ZPBP: variants seen among roughly 807,000 people sequenced by gnomAD.
ZPBP encodes zona pellucida-binding protein 1.
In ZPBP, 26 loss-of-function variants were observed where a neutral mutation model predicts 44.8. The observed-to-expected ratio is 0.58, with a 90% CI of 0.43 to 0.81. The LOEUF is 0.81. ZPBP is among the 30% of genes least tolerant of loss of function. The pLI is 0.00. For synonymous variants in ZPBP, 174 were observed against 153.2 expected (o/e 1.14, Z -1.00); for missense variants, 409 against 434.0 (o/e 0.94, Z 0.51).
intron 3 of ZPBP, among the ~76,000 whole-genome samples, chr7:50,061,724 G>T (rs1326158854): frequency 2.0e-5 from 3 of 152,122 alleles, no homozygotes; most frequent in Non-Finnish European, 4.4e-5. Context: ...GCATTTCAAT[G>T]AAATCACTTC....
intron 4 of ZPBP, among the ~76,000 whole-genome samples, chr7:50,033,143 C>T (rs1229664025): frequency 1.3e-5 from 2 of 151,746 alleles, no homozygotes; most frequent in African/African-American, 4.8e-5. Flanking sequence ...TTGGGTAAAG[C>T]ATATTTTTGA....
chr7:49,937,342 G>C (rs1794655318), downstream of ZPBP: 5 of 551,922 alleles, frequency 9.1e-6, no homozygotes, highest in Admixed American at 1.2e-4. Context: ...ATGTAGGTTT[G>C]GCATTAATGG....
chr7:49,924,844 G>A (rs1053875081), intron 1 of ZPBP, among the ~76,000 whole-genome samples: 3 of 152,172 alleles, frequency 2.0e-5, no homozygotes, highest in East Asian at 1.9e-4. Flanking sequence ...TTTGAGGAAC[G>A]ACACCCCAGT....
intron 2 of ZPBP, among the ~76,000 whole-genome samples, chr7:50,086,726 T>G (rs1373096587): frequency 2.0e-5 from 3 of 152,028 alleles, no homozygotes; most frequent in Admixed American, 2.0e-4. Context: ...AGCATATCAA[T>G]GTATGCATAA....
chr7:49,997,622 C>CG (rs905598766), intron 6 of ZPBP, among the ~76,000 whole-genome samples: 2 of 152,094 alleles, frequency 1.3e-5, no homozygotes, highest in African/African-American at 4.8e-5. Flanking sequence ...GCAACTGCTT[C>CG]GGGGGAAGCC....
chr7:49,843,543 A>T, the ZPBP span, among the ~76,000 whole-genome samples: 1 of 152,260 alleles, frequency 6.6e-6, no homozygotes, highest in African/African-American at 2.4e-5. Flanking sequence ...CAAGTAAAAA[A>T]CAAACACCAA....
intron 1 of ZPBP, among the ~76,000 whole-genome samples, chr7:49,931,879 C>T (rs528019751): frequency 6.8e-4 from 104 of 152,352 alleles, no homozygotes; most frequent in Non-Finnish European, 1.2e-3. Context: ...GGCCATGGTG[C>T]CCTGCACGTT....
chr7:49,940,322 A>T (rs1416883808), intron 7 of ZPBP, among the ~76,000 whole-genome samples: 1 of 152,192 alleles, frequency 6.6e-6, no homozygotes, highest in African/African-American at 2.4e-5. Flanking sequence ...GAAGAATATT[A>T]TTCAGAATAT....
intron 2 of ZPBP, among the ~76,000 whole-genome samples, chr7:49,896,919 C>T (rs1433756389): frequency 1.2e-4 from 16 of 130,408 alleles, no homozygotes; most frequent in African/African-American, 3.2e-4. Context: ...GACGGAGTCT[C>T]GCTCTGTCGC....
chr7:50,073,899 C>T (rs1048265662), intron 3 of ZPBP, among the ~76,000 whole-genome samples: 2 of 151,954 alleles, frequency 1.3e-5, no homozygotes, highest in African/African-American at 4.8e-5. Context: ...ACAAGAAATG[C>T]TAAAGGGAGT....
chr7:50,069,285 T>G (rs1801705854), intron 3 of ZPBP, among the ~76,000 whole-genome samples: 1 of 150,586 alleles, frequency 6.6e-6, no homozygotes, highest in Non-Finnish European at 1.5e-5. Context: ...TCCAGAGACT[T>G]TTTTTTTGTC....
At chr7:49,904,797 G>A (rs563860165) in intron 1 of ZPBP, among the ~76,000 whole-genome samples, 75 of 148,728 alleles carry the variant, frequency 5.0e-4, no homozygotes, top group African/African-American at 1.5e-3. Context: ...GTGCAGTGGC[G>A]CGATCTCGGC....
chr7:50,001,961 G>A (rs1000924734), intron 6 of ZPBP, among the ~76,000 whole-genome samples: 2 of 152,216 alleles, frequency 1.3e-5, no homozygotes, highest in Admixed American at 1.3e-4. Context: ...CTGCAATGCA[G>A]TGGCGCAACC....
chr7:50,061,200 A>G (rs1402849023), intron 3 of ZPBP, among the ~76,000 whole-genome samples: 2 of 152,178 alleles, frequency 1.3e-5, no homozygotes, highest in East Asian at 3.9e-4. Flanking sequence ...CCCACAGCCA[A>G]CATCATACTA....
At chr7:50,044,382 G>A (rs571862050) in intron 4 of ZPBP, among the ~76,000 whole-genome samples, 1 of 152,174 alleles carries the variant, frequency 6.6e-6, no homozygotes, top group African/African-American at 2.4e-5. Context: ...CCAGGAGCTG[G>A]TTTTTTGAAA....
intron 1 of ZPBP, among the ~76,000 whole-genome samples, chr7:50,092,258 T>C (rs754474958): frequency 8.5e-5 from 13 of 152,236 alleles, no homozygotes; most frequent in African/African-American, 2.4e-4. Flanking sequence ...CATATACTTA[T>C]AGAAGAATAA....
At chr7:49,957,631 C>T (rs991542221) in intron 7 of ZPBP, among the ~76,000 whole-genome samples, 3 of 152,220 alleles carry the variant, frequency 2.0e-5, no homozygotes, top group Admixed American at 2.0e-4. Flanking sequence ...GCTGTGGAGG[C>T]ATGGCTTCCT....
chr7:49,917,447 C>A (rs1793784726), intron 1 of ZPBP: 1 of 152,120 alleles, frequency 6.6e-6, no homozygotes, highest in Non-Finnish European at 1.5e-5. Context: ...GGCCCATGAG[C>A]AGTTTATGAT....
At position 49,983,590 on chromosome 7, in the gene ZPBP, T is replaced by C. The variant is rs1349615445; in HGVS notation, c.784-71A>G. 4 of 963,640 alleles carry C rather than the reference T, an allele frequency of 4.2e-6. No individual in the cohort carries two copies. The African/African-American group carries it at 5.0e-5, about 12-fold the overall frequency. The allele number at this position is 963,640 out of a possible 1,614,324, so 59.7% of individuals were successfully genotyped here. On this transcript the variant is annotated intron_variant, in intron 6 of 7. Coordinates refer to ENST00000046087, the MANE Select transcript of ZPBP (RefSeq NM_007009.3). ...TAATTTTAGAACAAATAAGGATGCA[T>C]GTGGATTTAGAATTTAAAGAAAACA... is the stretch of plus-strand genomic sequence containing the variant.
Sources: allele counts gnomAD v4.1 joint callset (sites outside exome capture counted in the v4.1 genomes callset), GRCh38; gene constraint gnomAD v4.1.1; transcripts MANE v1.5; gene names NCBI Gene and HGNC (gene_info 2026-07-23, HGNC 2026-07-21).